Variants in CBX7 observed in about 807,000 individuals in gnomAD.
CBX7 encodes the protein chromobox protein homolog 7.
Under a neutral mutation model 31.4 loss-of-function variants are expected in CBX7, and 14 were observed. The observed-to-expected ratio is 0.45, with a 90% CI of 0.29 to 0.70. The LOEUF (loss-of-function observed/expected upper bound fraction) is 0.70, where lower values mean the gene tolerates loss of function less well. Ranked by LOEUF, CBX7 falls within the 30% of genes least tolerant of loss-of-function variation. The probability of loss-of-function intolerance (pLI) is 0.11; values close to 1 mark genes in which losing one functional copy is unlikely to be tolerated. For missense variants in CBX7, 269 were observed against 351.9 expected (o/e 0.76, Z 1.89); for synonymous variants, 159 against 152.6 (o/e 1.04, Z -0.31).
intron 2 of CBX7, among the ~76,000 whole-genome samples, chr22:39,146,180 T>C (rs1930655548): frequency 6.6e-6 from 1 of 152,262 alleles, no homozygotes; most frequent in African/African-American, 2.4e-5. Context: ...CCCAGTCGTA[T>C]AGGGCTGTAG....
At position 39,133,590 on chromosome 22, in the gene CBX7, G is replaced by A. The variant is rs1930123899; in HGVS notation, c.*301C>T. On this transcript the variant is annotated 3_prime_UTR_variant, in exon 6 of 6. Transcript: ENST00000216133. ...GCTCCTTTAACTCCCAGAACCAGCT[G>A]CTGCGTCACTAGAGGAGAATGATAA... The A allele has an allele frequency of 1.2e-5, 3 of 245,970 alleles. No homozygotes were observed. Among genetic ancestry groups the A allele is most frequent in the African/African-American group, 2.2e-5 (1 of 44,764 alleles). The allele number at this position is 245,970 out of a possible 1,614,324, so 15.2% of individuals were successfully genotyped here. A position where few individuals can be genotyped will look rare whatever the true frequency, so the allele number is the denominator to read the frequency against.
At chr22:39,137,044 G>A (rs1157539341) in intron 4 of CBX7, among the ~76,000 whole-genome samples, 2 of 152,152 alleles carry the variant, frequency 1.3e-5, no homozygotes, top group African/African-American at 4.8e-5. Context: ...CCTGCCTGGT[G>A]GGTCTTATTA....
At chr22:39,144,116 C>G (rs1930557025) in intron 2 of CBX7, among the ~76,000 whole-genome samples, 1 of 152,132 alleles carries the variant, frequency 6.6e-6, no homozygotes, top group Non-Finnish European at 1.5e-5. Context: ...CTTACAGTAT[C>G]CCGGGAACTA....
chr22:39,134,552 C>G lies in CBX7; in HGVS notation c.447G>C (p.Leu149=). 1 of 1,609,276 alleles carries G rather than the reference C, an allele frequency of 6.2e-7. No individual in the cohort carries two copies. Among genetic ancestry groups the G allele is most frequent in the Non-Finnish European group, 8.5e-7 (1 of 1,178,352 alleles). ...LRKPRKAHKY[L]RLSRKKFPPR... ...GCGGGAACTTCTTGCGCGAGAGCCG[C>G]AGGTACTTGTGGGCCTTTCGGGGCT... The change falls in exon 5 of 6, where the codon CTG becomes CTC. Residue 149 remains leucine (L), a synonymous_variant. Transcript: ENST00000216133.
At chr22:39,151,699 C>T (rs779867610) in intron 1 of CBX7, among the ~76,000 whole-genome samples, 9 of 152,130 alleles carry the variant, frequency 5.9e-5, no homozygotes, top group Non-Finnish European at 1.2e-4. Flanking sequence ...AGTCTAGCCC[C>T]AAAGTGTGGG....
At position 39,132,147 on chromosome 22, in the gene CBX7, G is replaced by A. The variant is rs1435068884; in HGVS notation, c.*1744C>T. 1 of 152,344 alleles carries A rather than the reference G, an allele frequency of 6.6e-6. No homozygotes were observed. The highest frequency in any genetic ancestry group is 1.5e-5 in the Non-Finnish European group (1 of 68,122). 9.4% of individuals were successfully genotyped at this position (152,344 alleles called of 1,614,324 possible). A position where few individuals can be genotyped will look rare whatever the true frequency, so the allele number is the denominator to read the frequency against. ...CTAAAGATCGAGGAGGAAGGAAAGA[G>A]AGACTCAGGGATCTGGGAAGCCTGT... On this transcript the variant is annotated 3_prime_UTR_variant, in exon 6 of 6. Coordinates refer to ENST00000216133, the MANE Select transcript of CBX7 (RefSeq NM_175709.5).
rs1299727865 is a variant in CBX7, at chr22:39,133,763, C to A, written c.*128G>T. ...GCAGGTGGTGGGAGAGTAGTGGGAT[C>A]TTCTCCCCTTTTGCTGCTCGGTATT... On this transcript the variant is annotated 3_prime_UTR_variant, in exon 6 of 6. Coordinates refer to ENST00000216133, the MANE Select transcript of CBX7 (RefSeq NM_175709.5). 3.3e-6 allele frequency: 3 copies of A among 907,742 alleles called. No homozygotes were observed. Among genetic ancestry groups the A allele is most frequent in the Non-Finnish European group, 4.8e-6 (3 of 629,118 alleles). The allele number at this position is 907,742 out of a possible 1,614,324, so 56.2% of individuals were successfully genotyped here. A position where few individuals can be genotyped will look rare whatever the true frequency, so the allele number is the denominator to read the frequency against.
chr22:39,144,878 C>T lies in CBX7; in HGVS notation c.114-3442G>A, dbSNP rs1256113143. On this transcript the variant is annotated intron_variant, in intron 2 of 5. Transcript: ENST00000216133. ...TCAAAAGGCGCTGGCGAGGTAGGTG[C>T]TTAGTTCTTACCCCCATTTTACAGA... is the stretch of plus-strand genomic sequence containing the variant. 1.3e-5 allele frequency among the ~76,000 whole-genome samples: 2 copies of T among 152,382 alleles called. 1 individual carries two copies. Among genetic ancestry groups the T allele is most frequent in the Middle Eastern group, 6.8e-3 (2 of 294 alleles).
chr22:39,142,744 T>C (rs2146362520), intron 2 of CBX7, among the ~76,000 whole-genome samples: 1 of 152,350 alleles, frequency 6.6e-6, no homozygotes, highest in East Asian at 1.9e-4. Context: ...TAAAAACTTT[T>C]CCATTAAAAA....
At chr22:39,149,877 C>CA in intron 1 of CBX7, 45 bp from the exon 2 acceptor site, 1 of 1,539,386 alleles carries the variant, frequency 6.5e-7, no homozygotes, top group Non-Finnish European at 9.0e-7. Context: ...GTGGTTGCCC[C>CA]TACAGCCACT....
At chr22:39,139,848 T>C (rs1331524951) in intron 3 of CBX7, among the ~76,000 whole-genome samples, 2 of 151,956 alleles carry the variant, frequency 1.3e-5, no homozygotes, top group African/African-American at 4.8e-5. Flanking sequence ...GAGAATTGCT[T>C]GAGCCTGGGA....
At chr22:39,137,068 G>C (rs572285465) in intron 4 of CBX7, among the ~76,000 whole-genome samples, 3 of 152,082 alleles carry the variant, frequency 2.0e-5, no homozygotes, top group Non-Finnish European at 4.4e-5. Context: ...TAAGGAGAGC[G>C]GGTATTCTCT....
In CBX7 at chr22:39,133,744, G is replaced by T; in HGVS notation, c.*147C>A. ...AACGTCCCTCAGAGAAAGGGCAGGT[G>T]GTGGGAGAGTAGTGGGATCTTCTCC... On this transcript the variant is annotated 3_prime_UTR_variant, in exon 6 of 6. Coordinates refer to ENST00000216133, the MANE Select transcript of CBX7 (RefSeq NM_175709.5). The T allele has an allele frequency of 1.4e-6, 1 of 735,848 alleles. No homozygotes were observed. The highest frequency in any genetic ancestry group is 2.1e-6 in the Non-Finnish European group (1 of 480,850). The allele number at this position is 735,848 out of a possible 1,614,324, so 45.6% of individuals were successfully genotyped here. A position where few individuals can be genotyped will look rare whatever the true frequency, so the allele number is the denominator to read the frequency against.
At position 39,132,179 on chromosome 22, in the gene CBX7, A is replaced by T. The variant is rs1046040321; in HGVS notation, c.*1712T>A. ...AGGGATCTGGGAAGCCTGTCAACAGAGCACCCCATGCAGAAAGGGCTGCAG... is the reference window on the plus strand; with the variant it reads ...AGGGATCTGGGAAGCCTGTCAACAGTGCACCCCATGCAGAAAGGGCTGCAG... On this transcript the variant is annotated 3_prime_UTR_variant, in exon 6 of 6. Transcript: ENST00000216133. 1.3e-5 allele frequency: 2 copies of T among 152,354 alleles called. No homozygotes were observed. The highest frequency in any genetic ancestry group is 6.5e-5 in the Admixed American group (1 of 15,286). The allele number at this position is 152,354 out of a possible 1,614,324, so 9.4% of individuals were successfully genotyped here.
chr22:39,149,884 C>G, intron 1 of CBX7, 52 bp from the exon 2 acceptor site: 1 of 1,493,910 alleles, frequency 6.7e-7, no homozygotes, highest in Non-Finnish European at 9.3e-7. Flanking sequence ...CCCCTACAGC[C>G]ACTCGGAAGG....
rs962288650 is a variant in CBX7, at chr22:39,134,314, G to A, written c.598+87C>T. ...CGACTGGCCCCACAAAGCACTACAG[G>A]CCCTCTTTGGACATTGAACCAGCTG... On this transcript the variant is annotated intron_variant, in intron 5 of 5. Transcript: ENST00000216133. The A allele has an allele frequency of 1.6e-5, 19 of 1,159,290 alleles. 1 individual carries two copies. The highest frequency in any genetic ancestry group is 2.7e-4 in the Middle Eastern group (1 of 3,720). The allele number at this position is 1,159,290 out of a possible 1,614,324, so 71.8% of individuals were successfully genotyped here. A position where few individuals can be genotyped will look rare whatever the true frequency, so the allele number is the denominator to read the frequency against.
intron 2 of CBX7, 35 bp downstream of exon 2, chr22:39,149,754 C>T: frequency 6.2e-7 from 1 of 1,600,108 alleles, no homozygotes; most frequent in Non-Finnish European, 8.5e-7. Context: ...GGTCGGTAGG[C>T]AGACAGACAG....
At chr22:39,146,724 T>C (rs558954529) in intron 2 of CBX7, among the ~76,000 whole-genome samples, 4 of 152,236 alleles carry the variant, frequency 2.6e-5, no homozygotes, top group Non-Finnish European at 5.9e-5. Context: ...TGATTCATAA[T>C]AGGGGCTTAT....
intron 4 of CBX7, chr22:39,135,727 C>G (rs139388): frequency 0.42 from 63,895 of 152,122 alleles, 13,743 homozygotes; most frequent in African/African-American, 0.47. Flanking sequence ...TACTGCAGTG[C>G]CTGGGAGGCA....
Sources: gnomAD v4.1 joint callset for allele counts (sites outside exome capture counted in the v4.1 genomes callset) on GRCh38, gnomAD v4.1.1 for gene constraint, MANE v1.5 for transcripts, NCBI Gene and HGNC (gene_info 2026-07-23, HGNC 2026-07-21) for gene names.